Variants in ZNF385D observed in about 807,000 individuals in gnomAD.
The protein encoded by ZNF385D is zinc finger protein 659.
ZNF385D carries 15 observed loss-of-function variants against 35.8 expected under a neutral mutation model. The observed-to-expected ratio is 0.42, with a 90% CI of 0.28 to 0.64. The LOEUF (loss-of-function observed/expected upper bound fraction) is 0.64, where lower values mean the gene tolerates loss of function less well. Among genes scored for constraint, ZNF385D ranks in the 30% least tolerant of loss-of-function variants. ZNF385D has a pLI of 0.23. For missense variants in ZNF385D, 474 were observed against 494.6 expected, an observed-to-expected ratio of 0.96 and a Z score of 0.39; for synonymous variants, 212 against 186.8, an observed-to-expected ratio of 1.13 and a Z score of -1.10.
At chr3:21,994,359 C>T (rs1247239650) in intron 3 of ZNF385D, among the ~76,000 whole-genome samples, 1 of 152,078 alleles carries the variant, frequency 6.6e-6, no homozygotes, top group Admixed American at 6.6e-5. Flanking sequence ...TTTTATTCAC[C>T]GAATTCTTTA....
At chr3:21,908,202 AAAAG>A (rs1559743676) in intron 3 of ZNF385D, among the ~76,000 whole-genome samples, 2 of 151,422 alleles carry the variant, frequency 1.3e-5, no homozygotes, top group Non-Finnish European at 3.0e-5. Context: ...AGGGAACAGG[AAAAG>A]AAAGATGAGA....
chr3:21,775,972 T>G (rs545749602), intron 3 of ZNF385D, among the ~76,000 whole-genome samples: 31 of 151,888 alleles, frequency 2.0e-4, no homozygotes, highest in Admixed American at 1.8e-3. Context: ...TTCTTTCAGA[T>G]ACTCAATTAT....
chr3:22,221,674 C>A (rs886368975), intron 2 of ZNF385D, among the ~76,000 whole-genome samples: 1 of 152,034 alleles, frequency 6.6e-6, no homozygotes, highest in Non-Finnish European at 1.5e-5. Flanking sequence ...CTCATTTGTT[C>A]TTTTTAACTT....
At chr3:21,717,134 G>C (rs2068355237) in intron 1 of ZNF385D, among the ~76,000 whole-genome samples, 1 of 152,100 alleles carries the variant, frequency 6.6e-6, no homozygotes, top group Admixed American at 6.6e-5. Context: ...ATAACAACAA[G>C]ATTCCTGACA....
At chr3:21,938,077 G>C (rs528050681) in intron 3 of ZNF385D, among the ~76,000 whole-genome samples, 7 of 152,086 alleles carry the variant, frequency 4.6e-5, no homozygotes, top group Admixed American at 3.9e-4. Context: ...ATATTCAACC[G>C]AACAGAATCC....
At chr3:21,793,467 T>A (rs1355362032) in intron 3 of ZNF385D, among the ~76,000 whole-genome samples, 1 of 152,262 alleles carries the variant, frequency 6.6e-6, no homozygotes, top group East Asian at 1.9e-4. Flanking sequence ...GGGACTGAAC[T>A]AGACCTAGTG....
chr3:22,179,843 C>T (rs6768829), intron 2 of ZNF385D, among the ~76,000 whole-genome samples: 35,034 of 151,908 alleles, frequency 0.23, 5,669 homozygotes, highest in African/African-American at 0.46. Flanking sequence ...AGGAAAGATC[C>T]AAAATTGACA....
intron 2 of ZNF385D, among the ~76,000 whole-genome samples, chr3:22,313,747 T>A (rs949880585): frequency 2.6e-5 from 4 of 152,178 alleles, no homozygotes; most frequent in Non-Finnish European, 5.9e-5. Flanking sequence ...AAAGTGATTT[T>A]AAAAATTTCT....
rs1326083267 is a variant in ZNF385D, at chr3:21,859,284, G to A, written c.326-194256C>T. On this transcript the variant is annotated intron_variant, in intron 3 of 5. Transcript: ENST00000494108. ...ATACCCTGCCCGCAGATTCACTTCT[G>A]CTTCAGGAAGAAAGCTTGGAACAAA... is the stretch of plus-strand genomic sequence containing the variant. Among the ~76,000 whole-genome samples the A allele has an allele frequency of 2.6e-5, 4 of 152,012 alleles. No homozygotes were observed. The East Asian group carries it at 7.8e-4, about 29-fold the overall frequency.
chr3:21,521,039 C>T (rs1203856088), intron 3 of ZNF385D, among the ~76,000 whole-genome samples: 2 of 152,166 alleles, frequency 1.3e-5, no homozygotes, highest in African/African-American at 2.4e-5. Flanking sequence ...AAGGTCTTCC[C>T]TCTATAGTTT....
At chr3:22,179,647 G>C (rs948404538) in intron 2 of ZNF385D, among the ~76,000 whole-genome samples, 4 of 152,170 alleles carry the variant, frequency 2.6e-5, no homozygotes, top group East Asian at 1.9e-4. Flanking sequence ...GTGAGAGAAG[G>C]CATCACTGCC....
intron 3 of ZNF385D, among the ~76,000 whole-genome samples, chr3:21,921,506 G>T (rs541551853): frequency 7.2e-4 from 108 of 149,718 alleles, no homozygotes; most frequent in African/African-American, 2.5e-3. Flanking sequence ...TTTTTCATAT[G>T]CCCAGAAGTA....
chr3:21,554,675 T>C (rs527396418), intron 3 of ZNF385D, among the ~76,000 whole-genome samples: 2 of 152,314 alleles, frequency 1.3e-5, no homozygotes, highest in South Asian at 4.1e-4. Flanking sequence ...TTAAAATCTG[T>C]TGGGTAGTGT....
At chr3:22,030,224 G>A (rs1411375135) in intron 3 of ZNF385D, among the ~76,000 whole-genome samples, 73 of 111,400 alleles carry the variant, frequency 6.6e-4, no homozygotes, top group Admixed American at 1.5e-3. Flanking sequence ...GGGATCTTGC[G>A]ATCATGCAAG....
At chr3:22,158,350 C>T (rs766413212) in intron 3 of ZNF385D, among the ~76,000 whole-genome samples, 2 of 152,016 alleles carry the variant, frequency 1.3e-5, no homozygotes, top group South Asian at 2.1e-4. Flanking sequence ...AGTTATTGGG[C>T]GCTTTTTCCC....
At chr3:21,609,699 G>A (rs1394275949) in intron 2 of ZNF385D, among the ~76,000 whole-genome samples, 1 of 152,178 alleles carries the variant, frequency 6.6e-6, no homozygotes, top group Non-Finnish European at 1.5e-5. Flanking sequence ...AGAACCTAAT[G>A]GGGCCAATAA....
intron 3 of ZNF385D, among the ~76,000 whole-genome samples, chr3:21,764,143 C>G (rs1038701415): frequency 6.6e-6 from 1 of 152,110 alleles, no homozygotes; most frequent in Non-Finnish European, 1.5e-5. Context: ...TGAGATTCAT[C>G]AGAAATTAGT....
rs75458510 is a variant in ZNF385D, at chr3:22,300,790, A to C, written c.106+71660T>G. ...TATTATCAAAAAGACAAAAGATAAA[A>C]GTTGGTAATAACATGGAAAAAAGGG... On this transcript the variant is annotated intron_variant, in intron 2 of 5. Coordinates refer to the ZNF385D transcript ENST00000494108. Among the ~76,000 whole-genome samples the C allele has an allele frequency of 7.1e-3, 1,086 of 152,118 alleles. 9 individuals carry two copies. The highest frequency in any genetic ancestry group is 0.024 in the African/African-American group (1,007 of 41,556).
chr3:21,972,890 C>T (rs952360154), intron 3 of ZNF385D, among the ~76,000 whole-genome samples: 25 of 151,852 alleles, frequency 1.6e-4, no homozygotes, highest in Admixed American at 5.3e-4. Flanking sequence ...AAACCTGAAT[C>T]GATGAATAAC....
Sources: gnomAD v4.1 joint callset for allele counts (sites outside exome capture counted in the v4.1 genomes callset) on GRCh38, gnomAD v4.1.1 for gene constraint, MANE v1.5 for transcripts, NCBI Gene and HGNC (gene_info 2026-07-23, HGNC 2026-07-21) for gene names.